The following MAP2K6 variants were observed in gnomAD, a reference collection of about 807,000 sequenced individuals.
The protein encoded by MAP2K6 is mitogen-activated protein kinase kinase 6.
In MAP2K6, 16 loss-of-function variants were observed where a neutral mutation model predicts 53.7. The observed-to-expected ratio is 0.30, with a 90% CI of 0.20 to 0.45. The LOEUF (loss-of-function observed/expected upper bound fraction) is 0.45, where lower values mean the gene tolerates loss of function less well. Ranked by LOEUF, MAP2K6 falls within the 20% of genes least tolerant of loss-of-function variation. MAP2K6 has a pLI of 1.00. For missense variants in MAP2K6, 204 were observed against 411.9 expected (o/e 0.50, Z 4.37); for synonymous variants, 132 against 143.1 (o/e 0.92, Z 0.55).
intron 1 of MAP2K6, among the ~76,000 whole-genome samples, chr17:69,454,386 T>C (rs902534473): frequency 3.9e-5 from 6 of 152,114 alleles, no homozygotes; most frequent in Admixed American, 3.9e-4. Flanking sequence ...TGATGATATT[T>C]CTTTCTTTCT....
At chr17:69,433,679 T>C (rs1415746025) in intron 1 of MAP2K6, 1 of 152,248 alleles carries the variant, frequency 6.6e-6, no homozygotes, top group Non-Finnish European at 1.5e-5. Context: ...TCTGCCAATG[T>C]TTGTGATGTA....
chr17:69,459,637 G>A (rs1055253231), intron 1 of MAP2K6, among the ~76,000 whole-genome samples: 4 of 132,566 alleles, frequency 3.0e-5, no homozygotes, highest in East Asian at 4.5e-4. Context: ...GCTTGAACCC[G>A]AAAGGCGGAG....
chr17:69,510,025 T>C (rs1598299236), intron 2 of MAP2K6, among the ~76,000 whole-genome samples: 2 of 152,034 alleles, frequency 1.3e-5, no homozygotes, highest in Admixed American at 6.5e-5. Context: ...TTTTGTGTTT[T>C]GTAGAGACGG....
At chr17:69,493,840 CCCCTTGTA>C (rs994452823) in intron 1 of MAP2K6, among the ~76,000 whole-genome samples, 1 of 152,038 alleles carries the variant, frequency 6.6e-6, no homozygotes, top group Admixed American at 6.6e-5. Context: ...CAATGAGACA[CCCCTTGTA>C]CCCTTGTACC....
chr17:69,508,622 T>G (rs1351579518), intron 2 of MAP2K6, among the ~76,000 whole-genome samples: 1 of 152,256 alleles, frequency 6.6e-6, no homozygotes, highest in African/African-American at 2.4e-5. Context: ...TTTAGCAGGG[T>G]CTTTCACAGA....
intron 1 of MAP2K6, among the ~76,000 whole-genome samples, chr17:69,442,951 T>G (rs969308923): frequency 2.2e-4 from 33 of 152,190 alleles, no homozygotes; most frequent in Non-Finnish European, 5.9e-5. Flanking sequence ...CTCTTGGTCT[T>G]CTATTAATAT....
intron 2 of MAP2K6, among the ~76,000 whole-genome samples, chr17:69,507,629 T>C (rs1418399830): frequency 1.3e-5 from 2 of 152,218 alleles, no homozygotes; most frequent in Non-Finnish European, 2.9e-5. Flanking sequence ...TTGAGGTTCA[T>C]GTAAATAATT....
intron 9 of MAP2K6, among the ~76,000 whole-genome samples, chr17:69,525,831 C>G (rs1567855304): frequency 6.6e-6 from 1 of 152,208 alleles, no homozygotes; most frequent in Non-Finnish European, 1.5e-5. Context: ...CCGTATCAGT[C>G]AGGTATATCC....
chr17:69,463,276 GTA>G (rs972619947), intron 1 of MAP2K6, among the ~76,000 whole-genome samples: 6 of 150,326 alleles, frequency 4.0e-5, no homozygotes, highest in African/African-American at 7.3e-5. Context: ...ATGTATGTGT[GTA>G]TATATATGTG....
At chr17:69,478,379 A>G (rs1908231052) in intron 1 of MAP2K6, among the ~76,000 whole-genome samples, 1 of 152,152 alleles carries the variant, frequency 6.6e-6, no homozygotes, top group Non-Finnish European at 1.5e-5. Context: ...CAGAAGAGAC[A>G]TATGGGAAGA....
At chr17:69,467,722 T>C (rs1460364557) in intron 1 of MAP2K6, among the ~76,000 whole-genome samples, 1 of 152,194 alleles carries the variant, frequency 6.6e-6, no homozygotes, top group Non-Finnish European at 1.5e-5. Context: ...AGTCTTTTCC[T>C]TGAAGCTTAA....
chr17:69,500,672 C>A (rs1909129429), intron 1 of MAP2K6, among the ~76,000 whole-genome samples: 1 of 151,312 alleles, frequency 6.6e-6, no homozygotes, highest in Non-Finnish European at 1.5e-5. Context: ...AGGAGAATCA[C>A]ACAAAGCCGG....
chr17:69,423,943 C>T lies in MAP2K6; in HGVS notation c.16+8943C>T, dbSNP rs1331610724. The stretch of plus-strand genomic sequence containing the variant: ...AAAACCACAATTACTTTTGCACCGA[C>T]GTAAGAAATCAAAAATAACTCTCCT... On this transcript the variant is annotated intron_variant, in intron 1 of 11. Transcript: ENST00000590474. 8.5e-5 allele frequency among the ~76,000 whole-genome samples: 13 copies of T among 152,204 alleles called. 1 individual carries two copies. In the South Asian group the frequency reaches 2.5e-3, roughly 29 times the overall value.
chr17:69,460,001 T>C (rs376018162), intron 1 of MAP2K6, among the ~76,000 whole-genome samples: 1 of 142,478 alleles, frequency 7.0e-6, no homozygotes, highest in South Asian at 2.6e-4. Context: ...TCCCTCCCTT[T>C]CTTCTTTCCT....
intron 1 of MAP2K6, among the ~76,000 whole-genome samples, chr17:69,498,044 T>C (rs1909011576): frequency 2.0e-5 from 3 of 151,888 alleles, no homozygotes; most frequent in Admixed American, 2.0e-4. Context: ...ATTATGGAGT[T>C]GGGTTTTCAT....
In MAP2K6 at chr17:69,542,760, G is replaced by A. The variant is rs1163946829; in HGVS notation, c.*1007G>A. On this transcript the variant is annotated 3_prime_UTR_variant, in exon 12 of 12. Transcript: ENST00000590474. Reference sequence around the variant, plus strand: ...GCCTTCTTCTGCGTTTGTCCCTCCTGCCATGTGTAAGTTGTAAGGATTGCC... The same window carrying A: ...GCCTTCTTCTGCGTTTGTCCCTCCTACCATGTGTAAGTTGTAAGGATTGCC... 6.6e-6 allele frequency: 1 copy of A among 152,120 alleles called. No individual in the cohort carries two copies. Among genetic ancestry groups the A allele is most frequent in the Non-Finnish European group, 1.5e-5 (1 of 68,026 alleles). The allele number at this position is 152,120 out of a possible 1,614,324, so 9.4% of individuals were successfully genotyped here.
intron 1 of MAP2K6, among the ~76,000 whole-genome samples, chr17:69,437,496 A>G (rs1252886331): frequency 6.6e-6 from 1 of 152,172 alleles, no homozygotes; most frequent in Non-Finnish European, 1.5e-5. Context: ...AAAAAAATCC[A>G]CATATAAGTG....
chr17:69,422,808 T>C (rs1906133812), intron 1 of MAP2K6, among the ~76,000 whole-genome samples: 2 of 152,234 alleles, frequency 1.3e-5, no homozygotes, highest in Middle Eastern at 3.2e-3. Flanking sequence ...GCAGGATGGA[T>C]GTCTGACTGG....
At chr17:69,521,158 G>A (rs1446775384) in intron 7 of MAP2K6, 58 bp downstream of exon 7, 2 of 1,499,478 alleles carry the variant, frequency 1.3e-6, no homozygotes, top group African/African-American at 1.4e-5. Flanking sequence ...TCTTTCACCT[G>A]GAGTCCGTCT....
Sources: gnomAD v4.1 joint callset for allele counts (sites outside exome capture counted in the v4.1 genomes callset) on GRCh38, gnomAD v4.1.1 for gene constraint, MANE v1.5 for transcripts, NCBI Gene and HGNC (gene_info 2026-07-23, HGNC 2026-07-21) for gene names.